CLK4: variants seen among roughly 807,000 people sequenced by gnomAD.
CLK4 encodes CDC like kinase 4.
Under a neutral mutation model 64.4 loss-of-function variants are expected in CLK4, and 37 were observed. The ratio of observed to expected loss-of-function variants is 0.57; its 90% CI spans 0.44 to 0.76. The LOEUF (loss-of-function observed/expected upper bound fraction) is 0.76. CLK4 is among the 30% of genes least tolerant of loss of function. The pLI, the probability that CLK4 is intolerant of heterozygous loss-of-function variation, is 0.00. For missense variants in CLK4, 457 were observed against 605.1 expected (o/e 0.76, Z 2.57); for synonymous variants, 175 against 191.6 (o/e 0.91, Z 0.72).
chr5:178,623,469 A>G (rs71611450), intron 1 of CLK4, 53 bp from the exon 2 acceptor site: 28,854 of 1,390,464 alleles, frequency 0.021, 349 homozygotes, highest in Non-Finnish European at 0.024. Flanking sequence ...TGTGATAGGT[A>G]AATTATTATA....
intron 2 of CLK4, chr5:178,622,495 A>C: frequency 1.1e-6 from 1 of 893,388 alleles, no homozygotes; most frequent in Non-Finnish European, 1.3e-6. Context: ...AACAAAACAA[A>C]CGAAAAAGGG....
intron 3 of CLK4, chr5:178,618,252 G>A (rs2113810902): frequency 6.5e-6 from 1 of 153,486 alleles, no homozygotes. Flanking sequence ...AGATATGGGT[G>A]CATGATTTTT....
rs1764405433 is a variant in CLK4 at position 178,602,673 on chromosome 5, A to G, written c.*944T>C. 6.6e-6 allele frequency: 1 copy of G among 152,244 alleles called. No homozygotes were observed. Among genetic ancestry groups the G allele is most frequent in the Admixed American group, 6.5e-5 (1 of 15,290 alleles). 9.4% of individuals were successfully genotyped at this position (152,244 alleles called of 1,614,324 possible). A position where few individuals can be genotyped will look rare whatever the true frequency, so the allele number is the denominator to read the frequency against. ...CAACAACAACAAACGCTGAAGTCAAAAAGTTTATGTAACCAATCAATTAAA... is the reference window on the plus strand; with the variant it reads ...CAACAACAACAAACGCTGAAGTCAAGAAGTTTATGTAACCAATCAATTAAA... On this transcript the variant is annotated 3_prime_UTR_variant, in exon 13 of 13. Transcript: ENST00000316308.
intron 5 of CLK4, among the ~76,000 whole-genome samples, chr5:178,615,378 T>C (rs984230167): frequency 6.6e-5 from 10 of 152,102 alleles, no homozygotes; most frequent in Admixed American, 2.6e-4. Flanking sequence ...ATTTGGAAAA[T>C]AGGTTAACAT....
chr5:178,608,592 G>C, intron 9 of CLK4, 134 bp from the exon 10 acceptor site: 1 of 579,000 alleles, frequency 1.7e-6, no homozygotes, highest in Non-Finnish European at 3.0e-6. Flanking sequence ...AGGGTTTATA[G>C]TTCTAGTTTT....
rs1764416060 is a variant in CLK4, at chr5:178,603,480, T to C, written c.*137A>G. On this transcript the variant is annotated 3_prime_UTR_variant, in exon 13 of 13. Transcript: ENST00000316308. ...CTTAACAAGTTAATTATGCTATTGA[T>C]ACAAAACATACAATATTTACACTTA... 1 of 534,862 alleles carries C rather than the reference T, an allele frequency of 1.9e-6. No individual in the cohort carries two copies. The highest frequency in any genetic ancestry group is 2.0e-5 in the African/African-American group (1 of 50,680). 33.1% of individuals were successfully genotyped at this position (534,862 alleles called of 1,614,324 possible).
chr5:178,611,649 A>T (rs979067979), intron 9 of CLK4, among the ~76,000 whole-genome samples: 1 of 152,212 alleles, frequency 6.6e-6, no homozygotes, highest in East Asian at 1.9e-4. Flanking sequence ...TTACACTCCT[A>T]TTCTGAACTA....
At chr5:178,616,738 G>C (rs776640571) in intron 5 of CLK4, 144 bp downstream of exon 5, 6 of 591,196 alleles carry the variant, frequency 1.0e-5, no homozygotes, top group Non-Finnish European at 1.8e-5. Context: ...GGCAGTTGCA[G>C]TGAGCCAAGA....
chr5:178,623,209 T>C (rs748951687), intron 2 of CLK4, 47 bp downstream of exon 2: 1 of 1,529,248 alleles, frequency 6.5e-7, no homozygotes, highest in Non-Finnish European at 9.0e-7. Context: ...GACAAATCAT[T>C]TAAAACTATT....
intron 11 of CLK4, chr5:178,604,298 C>A (rs1045154427): frequency 6.1e-6 from 1 of 163,004 alleles, no homozygotes; most frequent in African/African-American, 2.4e-5. Context: ...TTTGGAAATA[C>A]CACCTTGTCT....
chr5:178,606,244 C>A (rs535628026), intron 10 of CLK4, among the ~76,000 whole-genome samples: 1 of 152,274 alleles, frequency 6.6e-6, no homozygotes, highest in African/African-American at 2.4e-5. Context: ...CCGGAAGCAT[C>A]CATTTCATAT....
intron 9 of CLK4, among the ~76,000 whole-genome samples, chr5:178,610,412 T>C (rs1581705923): frequency 6.6e-6 from 1 of 152,302 alleles, no homozygotes; most frequent in Middle Eastern, 3.4e-3. Flanking sequence ...GAGTTAGCTT[T>C]TATACCCAAC....
intron 9 of CLK4, among the ~76,000 whole-genome samples, chr5:178,612,118 A>G (rs1219276101): frequency 6.6e-6 from 1 of 151,898 alleles, no homozygotes; most frequent in Non-Finnish European, 1.5e-5. Flanking sequence ...AGGTACTCAT[A>G]TAACTTCAAA....
chr5:178,623,231 G>A (rs1160573240), intron 2 of CLK4, 25 bp downstream of exon 2: 2 of 1,594,880 alleles, frequency 1.3e-6, no homozygotes, highest in South Asian at 1.1e-5. Context: ...GAGCTAAAAT[G>A]CTAGTAGTTC....
chr5:178,614,598 C>A (rs1403972091), intron 5 of CLK4, among the ~76,000 whole-genome samples: 1 of 152,182 alleles, frequency 6.6e-6, no homozygotes, highest in Admixed American at 6.5e-5. Flanking sequence ...GCATTCAAGC[C>A]TTCTTTTTCA....
rs777968826 is a variant in CLK4 at position 178,612,451 on chromosome 5, G to A, written c.1016C>T (p.Ser339Phe). ...CTCGGGAGCTCTGTAGTGCCGGGTA[G>A]ACACCAAAGTACTGTGATGTTCATC... ...YDDEHHSTLV[S>F]TRHYRAPEVI... The change falls in exon 9 of 13, where the codon TCT becomes TTT. Residue 339 changes from serine (S) to phenylalanine (F), a missense_variant. Coordinates refer to ENST00000316308, the MANE Select transcript of CLK4 (RefSeq NM_020666.3). 1.2e-5 allele frequency: 19 copies of A among 1,613,824 alleles called. No homozygotes were observed.
At chr5:178,615,469 A>G (rs1220952594) in intron 5 of CLK4, among the ~76,000 whole-genome samples, 1 of 152,226 alleles carries the variant, frequency 6.6e-6, no homozygotes, top group African/African-American at 2.4e-5. Flanking sequence ...TTTAAAGTTC[A>G]ATTTACATTC....
chr5:178,608,793 A>C (rs1188735389), intron 9 of CLK4, among the ~76,000 whole-genome samples: 2 of 152,216 alleles, frequency 1.3e-5, no homozygotes, highest in Non-Finnish European at 2.9e-5. Context: ...TGTTAAAACC[A>C]TTATTATGCT....
chr5:178,619,888 C>A, intron 2 of CLK4: 1 of 868,152 alleles, frequency 1.2e-6, no homozygotes, highest in Non-Finnish European at 1.7e-6. Context: ...GAGGGATGCA[C>A]ATGGAGCACT....
Sources: allele counts gnomAD v4.1 joint callset (sites outside exome capture counted in the v4.1 genomes callset), GRCh38; gene constraint gnomAD v4.1.1; transcripts MANE v1.5; gene names NCBI Gene and HGNC (gene_info 2026-07-23, HGNC 2026-07-21).